Variants in NT5C3A observed in about 807,000 individuals in gnomAD.
The protein encoded by NT5C3A is cytosolic 5'-nucleotidase 3A.
In NT5C3A, 23 loss-of-function variants were observed where a neutral mutation model predicts 40.0. That is an observed-to-expected ratio of 0.58 (90% CI 0.41 to 0.81). The LOEUF (loss-of-function observed/expected upper bound fraction) is 0.81. Ranked by LOEUF, NT5C3A falls within the 40% of genes least tolerant of loss-of-function variation. NT5C3A has a pLI of 0.00. For missense variants in NT5C3A, 328 were observed against 403.0 expected (o/e 0.81, Z 1.59); for synonymous variants, 130 against 141.4 (o/e 0.92, Z 0.57).
intron 1 of NT5C3A, among the ~76,000 whole-genome samples, chr7:33,050,869 A>G (rs4720100): frequency 0.036 from 5,477 of 152,292 alleles, 273 homozygotes; most frequent in East Asian, 0.14. Context: ...CACAAGAAAG[A>G]TAATTTGATA....
chr7:33,027,721 A>G, intron 1 of NT5C3A, among the ~76,000 whole-genome samples: 1 of 152,148 alleles, frequency 6.6e-6, no homozygotes, highest in South Asian at 2.1e-4. Flanking sequence ...CTACCCCTCG[A>G]TTGATTAATT....
intron 1 of NT5C3A, among the ~76,000 whole-genome samples, chr7:33,047,573 T>C (rs142047440): frequency 0.013 from 1,967 of 152,248 alleles, 52 homozygotes; most frequent in African/African-American, 0.045. Flanking sequence ...AATATAGTTA[T>C]GAAAATATAA....
chr7:33,019,800 C>A, intron 5 of NT5C3A, 76 bp from the exon 6 acceptor site: 1 of 829,342 alleles, frequency 1.2e-6, no homozygotes, highest in Non-Finnish European at 2.1e-6. Flanking sequence ...ACAAAACATT[C>A]TTCCATGTGA....
chr7:33,041,103 G>A (rs1057253475), intron 1 of NT5C3A: 27 of 984,972 alleles, frequency 2.7e-5, no homozygotes, highest in Non-Finnish European at 1.3e-5. Context: ...TTGAAGTTAT[G>A]TGACGATTAA....
chr7:33,041,332 T>C (rs1351453663), intron 1 of NT5C3A, among the ~76,000 whole-genome samples: 2 of 152,196 alleles, frequency 1.3e-5, no homozygotes, highest in Non-Finnish European at 2.9e-5. Context: ...TGGGGAATTA[T>C]TGCTCAATGG....
intron 1 of NT5C3A, among the ~76,000 whole-genome samples, chr7:33,051,435 T>A (rs930482809): frequency 1.3e-5 from 2 of 152,196 alleles, no homozygotes; most frequent in African/African-American, 4.8e-5. Context: ...GTGCTGGGAT[T>A]ATAGGCGTTA....
At chr7:33,035,524 T>C (rs1169865355) in intron 1 of NT5C3A, among the ~76,000 whole-genome samples, 2 of 152,184 alleles carry the variant, frequency 1.3e-5, no homozygotes, top group African/African-American at 4.8e-5. Flanking sequence ...CCAAAGCCTG[T>C]ACATTTCCTA....
At position 33,021,287 on chromosome 7, in the gene NT5C3A, G is replaced by A. The variant is rs757438321; in HGVS notation, c.425C>T (p.Pro142Leu). 5 of 1,611,978 alleles carry A rather than the reference G, an allele frequency of 3.1e-6. No individual in the cohort carries two copies. Among genetic ancestry groups the A allele is most frequent in the Non-Finnish European group, 4.2e-6 (5 of 1,178,834 alleles). ...DPVLTVEEKY[P>L]YMVEWYTKSH... ...ATACACTTACCATTCCACCATATAA[G>A]GGTACTTCTCTTCTACAGTAAGAAC... The change falls in exon 5 of 9, where the codon CCT becomes CTT. Residue 142 changes from proline to leucine, a missense_variant. By Grantham distance (98) the Pro-to-Leu change is moderately conservative (BLOSUM62 -3). This residue lies in a region of NT5C3A where 280 missense variants were observed against 317.2 expected (regional missense o/e 0.88). Coordinates refer to ENST00000610140, the MANE Select transcript of NT5C3A (RefSeq NM_001002010.5).
chr7:33,039,086 T>G (rs6462453), intron 1 of NT5C3A, among the ~76,000 whole-genome samples: 116,144 of 152,080 alleles, frequency 0.76, 44,769 homozygotes, highest in African/African-American at 0.86. Context: ...GTAGGACAAG[T>G]CTAAAGACTG....
At chr7:33,034,541 T>C (rs1341976187) in intron 1 of NT5C3A, among the ~76,000 whole-genome samples, 2 of 152,220 alleles carry the variant, frequency 1.3e-5, no homozygotes, top group Non-Finnish European at 2.9e-5. Context: ...GTGCCAATCC[T>C]TCAATGGATA....
Position 33,060,369 on chromosome 7 carries a change from C to CTTTT in NT5C3A, c.138+2195_138+2198dup, listed in dbSNP as rs3082829. Among the ~76,000 whole-genome samples, 58 of 78,504 alleles carry CTTTT rather than the reference C, an allele frequency of 7.4e-4. 4 individuals carry two copies. The highest frequency in any genetic ancestry group is 2.7e-3 in the African/African-American group (50 of 18,182). 51.5% of individuals were successfully genotyped at this position (78,504 alleles called of 152,430 possible). On this transcript the variant is annotated intron_variant, in intron 1 of 8. Transcript: ENST00000610140. Reference sequence around the variant, plus strand: ...TCCCATTCCGTATCTTGCTTTCCTTCTTTTTTTTTTTTTTTTTTTTTTTTT... The same window carrying CTTTT: ...TCCCATTCCGTATCTTGCTTTCCTTCTTTTTTTTTTTTTTTTTTTTTTTTTTTTT...
intron 1 of NT5C3A, among the ~76,000 whole-genome samples, chr7:33,034,379 C>T (rs1484031052): frequency 6.6e-6 from 1 of 152,030 alleles, no homozygotes; most frequent in Non-Finnish European, 1.5e-5. Flanking sequence ...CAACATTATA[C>T]AAAGAGGATT....
chr7:33,038,432 T>C (rs1175697029), intron 1 of NT5C3A, among the ~76,000 whole-genome samples: 1 of 151,792 alleles, frequency 6.6e-6, no homozygotes, highest in Admixed American at 6.6e-5. Context: ...AGAATGATCA[T>C]CTTTCTCATG....
intron 2 of NT5C3A, 48 bp downstream of exon 2, chr7:33,026,769 C>T: frequency 7.8e-7 from 1 of 1,283,760 alleles, no homozygotes; most frequent in Non-Finnish European, 1.1e-6. Context: ...GCTGGAATTA[C>T]AGGCATGAGC....
At chr7:33,028,757 A>G (rs570292733) in intron 1 of NT5C3A, among the ~76,000 whole-genome samples, 15 of 152,320 alleles carry the variant, frequency 9.8e-5, no homozygotes, top group African/African-American at 3.6e-4. Flanking sequence ...GATGATAACG[A>G]AAGTGTAGAG....
intron 1 of NT5C3A, among the ~76,000 whole-genome samples, chr7:33,048,949 T>C (rs1274477472): frequency 6.6e-6 from 1 of 152,184 alleles, no homozygotes; most frequent in African/African-American, 2.4e-5. Context: ...TAAGAGAGTA[T>C]CATGTCTAAA....
chr7:33,021,844 C>G, intron 4 of NT5C3A: 1 of 528,560 alleles, frequency 1.9e-6, no homozygotes, highest in Non-Finnish European at 3.4e-6. Flanking sequence ...GTTTTGTTGT[C>G]AAGTTACTGT....
chr7:33,014,998 C>T lies in NT5C3A; in HGVS notation c.895-167G>A, dbSNP rs556019833. 1.7e-4 allele frequency among the ~76,000 whole-genome samples: 26 copies of T among 152,326 alleles called. 1 individual carries two copies. The South Asian group carries it at 5.2e-3, about 30-fold the overall frequency. ...TTTTCAAATCCTTAAGACCCACTGA[C>T]AGACATTTTTCCACATGGTAGCTTT... On this transcript the variant is annotated intron_variant, in intron 8 of 8. Coordinates refer to ENST00000610140, the MANE Select transcript of NT5C3A (RefSeq NM_001002010.5).
intron 1 of NT5C3A, among the ~76,000 whole-genome samples, chr7:33,048,702 T>C (rs1409048701): frequency 1.3e-5 from 2 of 152,202 alleles, no homozygotes; most frequent in Non-Finnish European, 2.9e-5. Flanking sequence ...TCATCTCCAA[T>C]GATTATGGCA....
Sources: allele counts gnomAD v4.1 joint callset (sites outside exome capture counted in the v4.1 genomes callset), GRCh38; gene constraint gnomAD v4.1.1; regional missense constraint gnomAD v4.1.1; transcripts MANE v1.5; gene names NCBI Gene and HGNC (gene_info 2026-07-23, HGNC 2026-07-21).